CCDC14: variants seen among roughly 807,000 people sequenced by gnomAD.
The protein encoded by CCDC14 is coiled-coil domain containing 14.
A neutral mutation model predicts 81.4 loss-of-function variants in CCDC14; 71 were observed. That is an observed-to-expected ratio of 0.87 (90% CI 0.72 to 1.06). The LOEUF (loss-of-function observed/expected upper bound fraction) is 1.06. CCDC14 is among the 50% of genes least tolerant of loss of function. The probability of loss-of-function intolerance (pLI) is 0.00; values close to 1 mark genes in which losing one functional copy is unlikely to be tolerated. For synonymous variants in CCDC14, 332 were observed against 364.8 expected, an observed-to-expected ratio of 0.91 and a Z score of 1.03; for missense variants, 1,046 against 1,047.3, an observed-to-expected ratio of 1.00 and a Z score of 0.02.
intron 9 of CCDC14, among the ~76,000 whole-genome samples, chr3:123,942,649 T>TA (rs1292257745): frequency 7.1e-6 from 1 of 141,222 alleles, no homozygotes; most frequent in Non-Finnish European, 1.6e-5. Flanking sequence ...TTACACAATG[T>TA]CTATAACTTA....
At chr3:123,926,000 C>T (rs1466008182) in intron 12 of CCDC14, among the ~76,000 whole-genome samples, 3 of 152,034 alleles carry the variant, frequency 2.0e-5, no homozygotes, top group Non-Finnish European at 4.4e-5. Flanking sequence ...TGAAGGAATG[C>T]TGTAACGAAT....
chr3:123,921,420 G>T (rs1230904673), intron 12 of CCDC14, among the ~76,000 whole-genome samples: 1 of 152,096 alleles, frequency 6.6e-6, no homozygotes, highest in Admixed American at 6.6e-5. Context: ...GTCAAAAACT[G>T]TAAAAAGAAG....
Position 123,949,001 on chromosome 3 carries a change from G to C in CCDC14, c.484C>G (p.Leu162Val). ...ATCTGAGTCTGCACGTGCTCACAGA[G>C]GGCTTGGTATATTATGGGTGAATAC... ...RMYSPIIYQA[L>V]CEHVQTQMSL... is the part of the protein sequence containing the mutation. The change falls in exon 6 of 13, where the codon CTC becomes GTC. Residue 162 changes from leucine (L) to valine (V), a missense_variant. Transcript: ENST00000409697. The C allele has an allele frequency of 6.2e-7, 1 of 1,613,896 alleles. No homozygotes were observed. Among genetic ancestry groups the C allele is most frequent in the Non-Finnish European group, 8.5e-7 (1 of 1,179,860 alleles).
chr3:123,920,818 G>A (rs555882350), intron 12 of CCDC14, among the ~76,000 whole-genome samples: 1 of 152,234 alleles, frequency 6.6e-6, no homozygotes, highest in African/African-American at 2.4e-5. Flanking sequence ...GGTATGTAAA[G>A]CGATTTTATC....
chr3:123,936,615 T>C lies in CCDC14; in HGVS notation c.1344-2860A>G, dbSNP rs555277930. Among the ~76,000 whole-genome samples, 7 of 152,198 alleles carry C rather than the reference T, an allele frequency of 4.6e-5. No homozygotes were observed. In the East Asian group the frequency reaches 5.8e-4, roughly 13 times the overall value. On this transcript the variant is annotated intron_variant, in intron 9 of 12. Transcript: ENST00000409697. ...AAAGCAAATACCACATTCTCACTTA[T>C]AAGTGGGAGCTAAATGATAAGAACT...
At chr3:123,886,344 CTCTT>C in the CCDC14 span, among the ~76,000 whole-genome samples, 23 of 151,146 alleles carry the variant, frequency 1.5e-4, no homozygotes, top group East Asian at 1.4e-3. Context: ...CCTTCTCTCT[CTCTT>C]TTTCTTTCTT....
Position 123,931,399 on chromosome 3 carries a change from G to C in CCDC14, c.1554C>G (p.Asn518Lys). The change falls in exon 11 of 13, where the codon AAC becomes AAG. Residue 518 changes from asparagine (N) to lysine (K), a missense_variant. Asn to Lys is a moderately conservative substitution (Grantham distance 94, BLOSUM62 0). Transcript: ENST00000409697. Reference sequence around the variant, plus strand: ...CTTTAAATATACTACTAAATTTTTTGTTTTCATCTTTCTGATTTTCAATCA... The same window carrying C: ...CTTTAAATATACTACTAAATTTTTTCTTTTCATCTTTCTGATTTTCAATCA... ...LKVIENQKDE[N>K]KKFSSIFKDK... 6.5e-7 allele frequency: 1 copy of C among 1,536,314 alleles called. No homozygotes were observed. The highest frequency in any genetic ancestry group is 1.2e-5 in the South Asian group (1 of 83,564).
At chr3:123,901,103 G>A (rs2034168775) in intron 5 of CCDC14, among the ~76,000 whole-genome samples, 1 of 151,962 alleles carries the variant, frequency 6.6e-6, no homozygotes, top group Non-Finnish European at 1.5e-5. Context: ...ATGGAAGCAA[G>A]AGCCTGTAGT....
chr3:123,924,798 G>T (rs2035260475), intron 12 of CCDC14, among the ~76,000 whole-genome samples: 2 of 152,048 alleles, frequency 1.3e-5, no homozygotes, highest in African/African-American at 4.8e-5. Context: ...CTTGTATACT[G>T]TTGGTAGGAA....
chr3:123,939,107 C>A lies in CCDC14; in HGVS notation c.1344-5352G>T, dbSNP rs141047158. Reference sequence around the variant, plus strand: ...TTTAAAGGAGTTCAAGGGTGTTAAACTTCCTAAGTTCTTGCACACTTGAGA... The same window carrying A: ...TTTAAAGGAGTTCAAGGGTGTTAAAATTCCTAAGTTCTTGCACACTTGAGA... On this transcript the variant is annotated intron_variant, in intron 9 of 12. Transcript: ENST00000409697. 1.3e-4 allele frequency among the ~76,000 whole-genome samples: 20 copies of A among 151,902 alleles called. No individual in the cohort carries two copies. In the East Asian group the frequency reaches 3.7e-3, roughly 28 times the overall value.
At position 123,931,435 on chromosome 3, in the gene CCDC14, C is replaced by A; in HGVS notation, c.1518G>T (p.Glu506Asp). 1 of 1,566,042 alleles carries A rather than the reference C, an allele frequency of 6.4e-7. No homozygotes were observed. The highest frequency in any genetic ancestry group is 8.7e-7 in the Non-Finnish European group (1 of 1,152,714). Residue 506 changes from glutamate (E) to aspartate (D), a missense_variant, in exon 11 of 13, where the codon GAG becomes GAT. Physicochemically the swap from Glu to Asp is conservative, Grantham distance 45. Transcript: ENST00000409697. ...SQELLQSKNE[E>D]LLKVIENQKD... ...TCTGATTTTCAATCACTTTTAACAG[C>A]TCTTCATTTTTACTCTGCAGTAATT...
chr3:123,947,342 C>A (rs1475067350), intron 7 of CCDC14, 23 bp from the exon 8 acceptor site: 2 of 1,575,392 alleles, frequency 1.3e-6, no homozygotes, highest in East Asian at 4.5e-5. Flanking sequence ...AAAAACAAGT[C>A]TTCAGAAGTA....
intron 7 of CCDC14, among the ~76,000 whole-genome samples, chr3:123,948,438 C>G (rs1032989633): frequency 6.6e-6 from 1 of 152,074 alleles, no homozygotes; most frequent in Non-Finnish European, 1.5e-5. Context: ...GGTGGGGTTT[C>G]ACCATGTTGG....
At chr3:123,915,834 GA>G (rs2034651650) in intron 12 of CCDC14, 116 bp from the exon 13 acceptor site, 1 of 740,088 alleles carries the variant, frequency 1.4e-6, no homozygotes, top group African/African-American at 1.8e-5. Flanking sequence ...TTCTTAATAT[GA>G]AAACAAGCAA....
At chr3:123,951,001 T>C (rs1032792762) in intron 5 of CCDC14, among the ~76,000 whole-genome samples, 15 of 152,062 alleles carry the variant, frequency 9.9e-5, no homozygotes, top group African/African-American at 3.4e-4. Context: ...GCTGAAGATA[T>C]CAGATGCTTC....
At chr3:123,896,729 G>A (rs1232928810), downstream of CCDC14, among the ~76,000 whole-genome samples, 1 of 152,118 alleles carries the variant, frequency 6.6e-6, no homozygotes, top group East Asian at 1.9e-4. Flanking sequence ...GACATACTAA[G>A]CTTTAAAATA....
chr3:123,945,269 G>C (rs137952263), intron 8 of CCDC14, among the ~76,000 whole-genome samples: 1 of 151,584 alleles, frequency 6.6e-6, no homozygotes, highest in African/African-American at 2.4e-5. Flanking sequence ...CAGTTCAAGA[G>C]TCAAGTAGGA....
At chr3:123,887,552 AG>A in the CCDC14 span, among the ~76,000 whole-genome samples, 1 of 152,134 alleles carries the variant, frequency 6.6e-6, no homozygotes, top group African/African-American at 2.4e-5. Context: ...GGGGCTGGGA[AG>A]TCCAAGATCA....
intron 12 of CCDC14, among the ~76,000 whole-genome samples, chr3:123,924,756 A>C (rs1287522118): frequency 6.6e-6 from 1 of 152,118 alleles, no homozygotes; most frequent in Non-Finnish European, 1.5e-5. Flanking sequence ...AAAGCTAACA[A>C]GTGTTGATGA....
Sources: allele counts gnomAD v4.1 joint callset (sites outside exome capture counted in the v4.1 genomes callset), GRCh38; gene constraint gnomAD v4.1.1; transcripts MANE v1.5; gene names NCBI Gene and HGNC (gene_info 2026-07-23, HGNC 2026-07-21).